The following ARHGEF19 variants were observed in gnomAD, a reference collection of about 807,000 sequenced individuals.
ARHGEF19 encodes the protein Rho guanine nucleotide exchange factor (GEF) 19.
A neutral mutation model predicts 87.6 loss-of-function variants in ARHGEF19; 92 were observed. That is an observed-to-expected ratio of 1.05 (90% confidence interval 0.89 to 1.25). ARHGEF19 has a LOEUF of 1.25. ARHGEF19 is among the 50% of genes most tolerant of loss of function. The pLI is 0.00. For synonymous variants in ARHGEF19, 438 were observed against 446.2 expected, an observed-to-expected ratio of 0.98 and a Z score of 0.23; for missense variants, 1,054 against 1,051.8, an observed-to-expected ratio of 1.00 and a Z score of -0.03.
At position 16,205,799 on chromosome 1, in the gene ARHGEF19, T is replaced by C; in HGVS notation, c.1451+132A>G. 8.7e-6 allele frequency: 13 copies of C among 1,488,868 alleles called. No individual in the cohort carries two copies. The highest frequency in any genetic ancestry group is 1.2e-5 in the Non-Finnish European group (13 of 1,112,650). The allele number at this position is 1,488,868 out of a possible 1,614,324, so 92.2% of individuals were successfully genotyped here. ...TGCCCTTTGGGGTTGCATCTCACCT[T>C]ATCCTGGTCACAGAGACCTTTTCAG... On this transcript the variant is annotated intron_variant, in intron 8 of 15. Coordinates refer to ENST00000270747, the MANE Select transcript of ARHGEF19 (RefSeq NM_153213.5). This position sits in a 1 kb window ranked among gnomAD's most constrained non-coding sequence, Gnocchi z 5.8.
Position 16,207,817 on chromosome 1 carries a change from T to G in ARHGEF19, c.695-40A>C. 1 of 1,609,512 alleles carries G rather than the reference T, an allele frequency of 6.2e-7. No individual in the cohort carries two copies. The highest frequency in any genetic ancestry group is 8.5e-7 in the Non-Finnish European group (1 of 1,178,456). ...AACTGAGGGTGGGGGGTCCAGAGAG[T>G]GGGCCTGGGGCCTGGGCCCCGGCCC... On this transcript the variant is annotated intron_variant, in intron 3 of 15. Coordinates refer to ENST00000270747, the MANE Select transcript of ARHGEF19 (RefSeq NM_153213.5). This position sits in a 1 kb window ranked among gnomAD's most constrained non-coding sequence, Gnocchi z 4.0.
rs1369053239 is a variant in ARHGEF19 at position 16,208,009 on chromosome 1, C to T, written c.629G>A (p.Arg210His). 7.4e-6 allele frequency: 12 copies of T among 1,613,270 alleles called. No individual in the cohort carries two copies. Among genetic ancestry groups the T allele is most frequent in the Admixed American group, 5.0e-5 (3 of 60,016 alleles). ...CCGGGCTGCTGAATTCCGCCCCAGGCGCAGAGAAGAGTGCAGCCGGGTCAT... is the reference window on the plus strand; with the variant it reads ...CCGGGCTGCTGAATTCCGCCCCAGGTGCAGAGAAGAGTGCAGCCGGGTCAT... ...ELMTRLHSSLRLGRNSAARAL... is the reference protein window; with the variant it reads ...ELMTRLHSSLHLGRNSAARAL... Residue 210 changes from arginine to histidine, a missense_variant, in exon 3 of 16, where the codon CGC becomes CAC. Coordinates refer to ENST00000270747, the MANE Select transcript of ARHGEF19 (RefSeq NM_153213.5).
chr1:16,208,646 C>G lies in ARHGEF19; in HGVS notation c.409G>C (p.Ala137Pro), dbSNP rs748140409. 2.4e-5 allele frequency: 39 copies of G among 1,602,192 alleles called. No individual in the cohort carries two copies. The highest frequency in any genetic ancestry group is 2.7e-5 in the Non-Finnish European group (32 of 1,176,350). Reference protein sequence around the residue: ...RASHGSEKKSAWRKMRVYQRE... With the variant: ...RASHGSEKKSPWRKMRVYQRE... ...CGCCTTCCCCAGGGTGACTCACAGG[C>G]AGACTTCTTCTCCGAGCCGTGGCTG... The change falls in exon 2 of 16, where the codon GCC becomes CCC. Residue 137 changes from alanine to proline, a missense_variant. Coordinates refer to ENST00000270747, the MANE Select transcript of ARHGEF19 (RefSeq NM_153213.5).
At position 16,205,663 on chromosome 1, in the gene ARHGEF19, C is replaced by A; in HGVS notation, c.1456G>T (p.Glu486Ter). Residue 486 changes from glutamate to a stop codon, truncating the protein, a stop_gained, in exon 9 of 16, where the codon GAG becomes TAG. Transcript: ENST00000270747. LOFTEE classifies it high-confidence loss of function. The surrounding 1 kb of genome is among the most constrained non-coding windows in gnomAD (Gnocchi z 5.8). ...AGGATGCCAGGGAACCTGGGGTTCT[C>A]CAGGCTGGAAAATGGGGAGGACTCT... ...QERTYQRLLL[E>*]NPRFPGILAR... 1 of 1,607,032 alleles carries A rather than the reference C, an allele frequency of 6.2e-7. No homozygotes were observed.
Position 16,205,143 on chromosome 1 carries a change from T to C in ARHGEF19, c.1690A>G (p.Met564Val). 6.2e-7 allele frequency: 1 copy of C among 1,604,326 alleles called. No individual in the cohort carries two copies. The highest frequency in any genetic ancestry group is 1.1e-5 in the South Asian group (1 of 89,426). Residue 564 changes from methionine to valine, a missense_variant, in exon 11 of 16, where the codon ATG becomes GTG. By Grantham distance (21) the Met-to-Val change is conservative (BLOSUM62 1). Transcript: ENST00000270747. The surrounding 1 kb of genome is among the most constrained non-coding windows in gnomAD (Gnocchi z 5.8). ...VQECNASVQS[M>V]KRTEELIHLS... is the part of the protein sequence containing the mutation. ...TGGATGAGTTCCTCTGTCCTCTTCATGGACTGTACACTAGCATTGCACTCC... is the reference window on the plus strand; with the variant it reads ...TGGATGAGTTCCTCTGTCCTCTTCACGGACTGTACACTAGCATTGCACTCC...
At chr1:16,209,165 C>A (rs1366073514) in intron 1 of ARHGEF19, 82 bp from the exon 2 acceptor site, 5 of 1,061,334 alleles carry the variant, frequency 4.7e-6, no homozygotes, top group Non-Finnish European at 6.3e-6. Flanking sequence ...CCTGGACAAA[C>A]CCCTGTGTAC....
intron 14 of ARHGEF19, 41 bp downstream of exon 14, chr1:16,201,741 G>T (rs755610018): frequency 5.0e-6 from 8 of 1,596,690 alleles, no homozygotes; most frequent in Non-Finnish European, 6.8e-6. Flanking sequence ...AGCGGGCGAG[G>T]GTCCAGCCCA....
chr1:16,206,110 C>G lies in ARHGEF19; in HGVS notation c.1299-27G>C, dbSNP rs2100278161. Reference sequence around the variant, plus strand: ...TGAGGAGTCAGAGCCAGGATGGAGACCCCAGATCTGGGAGCTGGCCAACCA... The same window carrying G: ...TGAGGAGTCAGAGCCAGGATGGAGAGCCCAGATCTGGGAGCTGGCCAACCA... On this transcript the variant is annotated intron_variant, in intron 7 of 15. Coordinates refer to ENST00000270747, the MANE Select transcript of ARHGEF19 (RefSeq NM_153213.5). This position sits in a 1 kb window ranked among gnomAD's most constrained non-coding sequence, Gnocchi z 4.6. 6.4e-7 allele frequency: 1 copy of G among 1,573,928 alleles called. No homozygotes were observed. Among genetic ancestry groups the G allele is most frequent in the African/African-American group, 1.3e-5 (1 of 74,452 alleles).
Position 16,205,051 on chromosome 1 carries a change from C to T in ARHGEF19, c.1746+36G>A, listed in dbSNP as rs1429953616. On this transcript the variant is annotated intron_variant, in intron 11 of 15. Coordinates refer to ENST00000270747, the MANE Select transcript of ARHGEF19 (RefSeq NM_153213.5). The surrounding 1 kb of genome is among the most constrained non-coding windows in gnomAD (Gnocchi z 5.8). ...GGCAAGGAAGAAACAAGAGCTGCCC[C>T]TTGGGGTCCCCATCCCGCTGGCTGC... 1.3e-6 allele frequency: 2 copies of T among 1,574,908 alleles called. No homozygotes were observed. Among genetic ancestry groups the T allele is most frequent in the Non-Finnish European group, 8.6e-7 (1 of 1,159,944 alleles).
At chr1:16,200,956 A>C (rs1224799139) in intron 14 of ARHGEF19, among the ~76,000 whole-genome samples, 1 of 151,540 alleles carries the variant, frequency 6.6e-6, no homozygotes, top group Non-Finnish European at 1.5e-5. Flanking sequence ...GCTCATGCCT[A>C]TAATCCCAGC....
chr1:16,204,719 G>C (rs1271692611), intron 12 of ARHGEF19, 40 bp downstream of exon 12: 2 of 1,524,042 alleles, frequency 1.3e-6, no homozygotes, highest in Admixed American at 4.1e-5. Context: ...AGAGAGCCTG[G>C]CTCCACTTTA....
rs752178914 is a variant in ARHGEF19, at chr1:16,206,934, C to A, written c.1137+14G>T. On this transcript the variant is annotated intron_variant, in intron 6 of 15. Transcript: ENST00000270747. The surrounding 1 kb of genome is among the most constrained non-coding windows in gnomAD (Gnocchi z 4.6). The stretch of plus-strand genomic sequence containing the variant: ...GGCCCGCCCCCGCCCCGCCGGGTCC[C>A]CGCGCGCGCCCACCTCCTGCAGCTT... The A allele has an allele frequency of 1.2e-4, 178 of 1,449,924 alleles. No individual in the cohort carries two copies. Among genetic ancestry groups the A allele is most frequent in the Non-Finnish European group, 2.8e-5 (31 of 1,111,176 alleles). The allele number at this position is 1,449,924 out of a possible 1,614,324, so 89.8% of individuals were successfully genotyped here.
intron 1 of ARHGEF19, among the ~76,000 whole-genome samples, chr1:16,209,690 C>T (rs918136811): frequency 9.8e-5 from 15 of 152,352 alleles, no homozygotes; most frequent in African/African-American, 3.6e-4. Flanking sequence ...GATATTTACA[C>T]AGGCACCCAA....
rs2081058565 is a variant in ARHGEF19, at chr1:16,198,543, C to G, written c.*44G>C. 2 of 1,560,412 alleles carry G rather than the reference C, an allele frequency of 1.3e-6. No individual in the cohort carries two copies. Among genetic ancestry groups the G allele is most frequent in the Admixed American group, 3.7e-5 (2 of 54,370 alleles). On this transcript the variant is annotated 3_prime_UTR_variant, in exon 16 of 16. Coordinates refer to ENST00000270747, the MANE Select transcript of ARHGEF19 (RefSeq NM_153213.5). The surrounding 1 kb of genome is among the most constrained non-coding windows in gnomAD (Gnocchi z 4.1). ...CACTGCAGGCCCCTCCAGGACCATC[C>G]AGGAGCCAGGCATGGAGGTGGGGTC...
At position 16,202,716 on chromosome 1, in the gene ARHGEF19, G is replaced by A. The variant is rs74054953; in HGVS notation, c.1908-142C>T. 6,999 of 1,092,762 alleles carry A rather than the reference G, an allele frequency of 6.4e-3. 308 individuals carry two copies. The African/African-American group carries it at 0.098, about 15-fold the overall frequency. 67.7% of individuals were successfully genotyped at this position (1,092,762 alleles called of 1,614,324 possible). A position where few individuals can be genotyped will look rare whatever the true frequency, so the allele number is the denominator to read the frequency against. On this transcript the variant is annotated intron_variant, in intron 12 of 15. Transcript: ENST00000270747. The stretch of plus-strand genomic sequence containing the variant: ...GCGTTCTCACAGGGTCCTGCTTCTG[G>A]ATAGGGCACTGCTAGTCCCCACAAG...
At chr1:16,202,002 AC>A in intron 13 of ARHGEF19, 141 bp from the exon 14 acceptor site, 3 of 760,416 alleles carry the variant, frequency 3.9e-6, no homozygotes, top group African/African-American at 2.0e-5. Context: ...TGTCTGCCCC[AC>A]CCCAGGGCCC....
intron 2 of ARHGEF19, among the ~76,000 whole-genome samples, 192 bp downstream of exon 2, chr1:16,208,451 G>A (rs1487277532): frequency 6.6e-6 from 1 of 152,206 alleles, no homozygotes; most frequent in Non-Finnish European, 1.5e-5. Context: ...TGCCCAGAAT[G>A]GTGACTCACT....
intron 14 of ARHGEF19, among the ~76,000 whole-genome samples, chr1:16,201,444 C>T (rs1403966762): frequency 6.6e-6 from 1 of 152,192 alleles, no homozygotes; most frequent in East Asian, 1.9e-4. Flanking sequence ...AAGATGGAGA[C>T]AGACCTGGGC....
chr1:16,209,183 T>A, intron 1 of ARHGEF19, 100 bp from the exon 2 acceptor site: 1 of 780,650 alleles, frequency 1.3e-6, no homozygotes, highest in Non-Finnish European at 1.8e-6. Flanking sequence ...TACACTTGTG[T>A]ACACACATCT....
Sources: gnomAD v4.1 joint callset for allele counts (sites outside exome capture counted in the v4.1 genomes callset) on GRCh38, gnomAD v4.1.1 for gene constraint, Gnocchi (gnomAD v3.1) non-coding constraint, MANE v1.5 for transcripts, NCBI Gene and HGNC (gene_info 2026-07-23, HGNC 2026-07-21) for gene names.